PAK5: variants seen among roughly 807,000 people sequenced by gnomAD.
The protein encoded by PAK5 is serine/threonine-protein kinase PAK 5.
In PAK5, 16 loss-of-function variants were observed where a neutral mutation model predicts 65.9. That is an observed-to-expected ratio of 0.24 (90% CI 0.16 to 0.37). The LOEUF is 0.37. PAK5 is among the 10% of genes least tolerant of loss of function. PAK5 has a pLI of 1.00. For missense variants in PAK5, 785 were observed against 903.9 expected, an observed-to-expected ratio of 0.87 and a Z score of 1.69; for synonymous variants, 371 against 354.9, an observed-to-expected ratio of 1.05 and a Z score of -0.51.
At chr20:9,799,495 T>C (rs1357298528) in intron 1 of PAK5, among the ~76,000 whole-genome samples, 4 of 152,124 alleles carry the variant, frequency 2.6e-5, no homozygotes, top group Non-Finnish European at 5.9e-5. Flanking sequence ...GCTCCATTAA[T>C]AAGAATGTGT....
intron 3 of PAK5, among the ~76,000 whole-genome samples, chr20:9,641,955 C>CCCACTTGTG (rs2123268074): frequency 6.6e-6 from 1 of 152,288 alleles, no homozygotes; most frequent in South Asian, 2.1e-4. Context: ...AGCCCCGGTT[C>CCCACTTGTG]CCACTTGTGC....
intron 3 of PAK5, among the ~76,000 whole-genome samples, chr20:9,597,525 C>T (rs1348227697): frequency 6.6e-6 from 1 of 152,228 alleles, no homozygotes; most frequent in East Asian, 1.9e-4. Flanking sequence ...CAGAACCAAA[C>T]TCGAGTAGGT....
chr20:9,580,335 C>T lies in PAK5; in HGVS notation c.800G>A (p.Arg267Lys). 1 of 1,614,110 alleles carries T rather than the reference C, an allele frequency of 6.2e-7. No individual in the cohort carries two copies. The highest frequency in any genetic ancestry group is 8.5e-7 in the Non-Finnish European group (1 of 1,179,996). Reference protein sequence around the residue: ...WGPSLDDYDRRPKSSYLNQTS... With the variant: ...WGPSLDDYDRKPKSSYLNQTS... ...CTGATTCAGGTACGAAGACTTTGGC[C>T]TCCTGTCATAGTCATCCAGGCTGGG... The change falls in exon 4 of 10, where the codon AGG becomes AAG. Residue 267 changes from arginine to lysine, a missense_variant. Around this residue, in one of 4 missense-constraint regions of PAK5, gnomAD observed 422 missense variants for 413.3 expected, o/e 1.02. Transcript: ENST00000353224.
chr20:9,779,899 T>C (rs2048924056), intron 1 of PAK5, among the ~76,000 whole-genome samples: 1 of 152,040 alleles, frequency 6.6e-6, no homozygotes, highest in South Asian at 2.1e-4. Context: ...AAAGCATAAA[T>C]CTTGAACAAA....
At chr20:9,770,549 TG>T (rs1461758371) in intron 1 of PAK5, among the ~76,000 whole-genome samples, 2 of 151,894 alleles carry the variant, frequency 1.3e-5, no homozygotes, top group Non-Finnish European at 2.9e-5. Flanking sequence ...TTTAGCTGGG[TG>T]AGTGTAGGCA....
At chr20:9,660,880 C>T (rs1303166438) in intron 2 of PAK5, among the ~76,000 whole-genome samples, 2 of 152,080 alleles carry the variant, frequency 1.3e-5, no homozygotes, top group East Asian at 3.9e-4. Flanking sequence ...AGTCAGGCCG[C>T]ACAGGGCAGT....
chr20:9,564,717 A>G (rs1221265987), intron 5 of PAK5, among the ~76,000 whole-genome samples: 2 of 152,146 alleles, frequency 1.3e-5, no homozygotes, highest in African/African-American at 4.8e-5. Flanking sequence ...TATGAAGCCA[A>G]AGACTTATGT....
intron 4 of PAK5, among the ~76,000 whole-genome samples, chr20:9,569,473 A>G (rs1339899840): frequency 3.3e-5 from 5 of 152,198 alleles, no homozygotes; most frequent in African/African-American, 9.7e-5. Flanking sequence ...GGGATCTTGC[A>G]AAAGGGAGCA....
chr20:9,717,466 G>A (rs1188932886), intron 1 of PAK5, among the ~76,000 whole-genome samples: 1 of 152,170 alleles, frequency 6.6e-6, no homozygotes. Context: ...TTTAGTCACC[G>A]AATTTAGCTC....
At chr20:9,548,855 T>TA (rs1292802774) in intron 7 of PAK5, among the ~76,000 whole-genome samples, 2 of 152,232 alleles carry the variant, frequency 1.3e-5, no homozygotes, top group African/African-American at 4.8e-5. Flanking sequence ...TTGTTCATGA[T>TA]ATTCTCACTA....
intron 1 of PAK5, among the ~76,000 whole-genome samples, chr20:9,742,781 A>T (rs905191015): frequency 6.6e-6 from 1 of 152,182 alleles, no homozygotes; most frequent in Non-Finnish European, 1.5e-5. Flanking sequence ...TTCCTCAAAC[A>T]TGCCTAAAAC....
chr20:9,727,087 C>T (rs142289634), intron 1 of PAK5, among the ~76,000 whole-genome samples: 208 of 152,198 alleles, frequency 1.4e-3, no homozygotes, highest in African/African-American at 4.6e-3. Context: ...GAATATCAAA[C>T]GTGTATACTT....
intron 4 of PAK5, among the ~76,000 whole-genome samples, chr20:9,571,717 C>T (rs950337747): frequency 1.3e-5 from 2 of 152,084 alleles, no homozygotes; most frequent in African/African-American, 4.8e-5. Flanking sequence ...CTCTGTAATT[C>T]CTCCATTTTA....
In PAK5 at chr20:9,769,919, A is replaced by G. The variant is rs112176617; in HGVS notation, c.-161-58484T>C. ...TACAAAGAAATTAGCTAGTAGAAGAATATAGAACTAGGAGAATGTGTGATG... is the reference window on the plus strand; with the variant it reads ...TACAAAGAAATTAGCTAGTAGAAGAGTATAGAACTAGGAGAATGTGTGATG... On this transcript the variant is annotated intron_variant, in intron 1 of 9. Transcript: ENST00000353224. Among the ~76,000 whole-genome samples, 1,061 of 152,360 alleles carry G rather than the reference A, an allele frequency of 7.0e-3. 15 individuals are homozygous for G. Among genetic ancestry groups the G allele is most frequent in the African/African-American group, 0.024 (1,018 of 41,582 alleles).
intron 2 of PAK5, among the ~76,000 whole-genome samples, chr20:9,680,654 C>A (rs1043760982): frequency 5.3e-5 from 8 of 152,072 alleles, no homozygotes; most frequent in South Asian, 2.1e-4. Context: ...GTTTCTGTGA[C>A]CAGAAAAAGT....
chr20:9,746,090 C>T, intron 1 of PAK5, among the ~76,000 whole-genome samples: 1 of 152,144 alleles, frequency 6.6e-6, no homozygotes, highest in East Asian at 1.9e-4. Flanking sequence ...AAAATCTTCT[C>T]TTATCTGGTA....
chr20:9,623,964 G>A (rs921561371), intron 3 of PAK5, among the ~76,000 whole-genome samples: 25 of 152,170 alleles, frequency 1.6e-4, no homozygotes, highest in African/African-American at 4.1e-4. Context: ...CACTGGTACC[G>A]TCATTCTGGA....
chr20:9,601,511 GT>G (rs2046358894), intron 3 of PAK5, among the ~76,000 whole-genome samples: 1 of 152,188 alleles, frequency 6.6e-6, no homozygotes, highest in Admixed American at 6.5e-5. Flanking sequence ...GAAAGAAGAA[GT>G]TACAAGCATT....
At chr20:9,558,491 T>G (rs1344798126) in intron 6 of PAK5, among the ~76,000 whole-genome samples, 1 of 152,140 alleles carries the variant, frequency 6.6e-6, no homozygotes. Flanking sequence ...ACTGAATAGG[T>G]AGATGAAGGT....
Sources: gnomAD v4.1 joint callset for allele counts (sites outside exome capture counted in the v4.1 genomes callset) on GRCh38, gnomAD v4.1.1 for gene constraint, gnomAD v4.1.1 regional missense constraint, MANE v1.5 for transcripts, NCBI Gene and HGNC (gene_info 2026-07-23, HGNC 2026-07-21) for gene names.